Variants in PDE5A observed in about 807,000 individuals in gnomAD.
PDE5A encodes the protein cGMP-specific 3',5'-cyclic phosphodiesterase.
In PDE5A, 67 loss-of-function variants were observed where a neutral mutation model predicts 110.2. That is an observed-to-expected ratio of 0.61 (90% CI 0.50 to 0.75). The LOEUF is 0.75. Ranked by LOEUF, PDE5A falls within the 30% of genes least tolerant of loss-of-function variation. PDE5A has a pLI of 0.00. For synonymous variants in PDE5A, 328 were observed against 351.2 expected (o/e 0.93, Z 0.74); for missense variants, 862 against 1,045.1 (o/e 0.82, Z 2.42).
At chr4:119,568,214 C>G (rs1408440542) in intron 3 of PDE5A, among the ~76,000 whole-genome samples, 1 of 151,662 alleles carries the variant, frequency 6.6e-6, no homozygotes, top group African/African-American at 2.4e-5. Flanking sequence ...TATCCTATAC[C>G]TTTTCATTTC....
intron 14 of PDE5A, 115 bp from the exon 15 acceptor site, chr4:119,511,249 A>G: frequency 1.6e-6 from 1 of 643,504 alleles, no homozygotes. Flanking sequence ...AAATTAATCA[A>G]CTAACAATTT....
chr4:119,627,908 G>C lies in PDE5A; in HGVS notation c.152+612C>G, dbSNP rs964487202. 9 of 342,482 alleles carry C rather than the reference G, an allele frequency of 2.6e-5. No homozygotes were observed. Among genetic ancestry groups the C allele is most frequent in the Non-Finnish European group, 3.7e-5 (9 of 241,938 alleles). 21.2% of individuals were successfully genotyped at this position (342,482 alleles called of 1,614,324 possible). A position where few individuals can be genotyped will look rare whatever the true frequency, so the allele number is the denominator to read the frequency against. On this transcript the variant is annotated intron_variant, in intron 1 of 20. Coordinates refer to ENST00000354960, the MANE Select transcript of PDE5A (RefSeq NM_001083.4). The surrounding 1 kb of genome is among the most constrained non-coding windows in gnomAD (Gnocchi z 4.6). ...CCCTCTGCAGAGCTCTACTTTTGGCGGCACAGCCTTCGGCGGAAAAGCGAG... is the reference window on the plus strand; with the variant it reads ...CCCTCTGCAGAGCTCTACTTTTGGCCGCACAGCCTTCGGCGGAAAAGCGAG...
chr4:119,531,976 T>A (rs1726558202), intron 11 of PDE5A, among the ~76,000 whole-genome samples: 1 of 152,168 alleles, frequency 6.6e-6, no homozygotes, highest in African/African-American at 2.4e-5. Flanking sequence ...TCAGTGTCCC[T>A]CAACATGGCT....
At chr4:119,500,268 T>G (rs1027520704) in intron 20 of PDE5A, 2 of 151,666 alleles carry the variant, frequency 1.3e-5, no homozygotes, top group South Asian at 2.1e-4. Context: ...CCTAGTTTTT[T>G]TTTTTTTTTT....
chr4:119,538,864 T>A (rs1297263292), intron 11 of PDE5A, 96 bp downstream of exon 11: 6 of 912,942 alleles, frequency 6.6e-6, no homozygotes, highest in Non-Finnish European at 1.1e-5. Flanking sequence ...CAGAGTTAAT[T>A]AAACATTTTT....
intron 3 of PDE5A, among the ~76,000 whole-genome samples, chr4:119,585,704 G>A (rs1201513316): frequency 1.3e-5 from 2 of 152,178 alleles, no homozygotes; most frequent in African/African-American, 4.8e-5. Flanking sequence ...TCAAGAGCTG[G>A]AGCCTAATTC....
At chr4:119,584,657 A>C (rs1420550307) in intron 3 of PDE5A, among the ~76,000 whole-genome samples, 1 of 152,230 alleles carries the variant, frequency 6.6e-6, no homozygotes, top group East Asian at 1.9e-4. Flanking sequence ...TTTTTAAACA[A>C]TAGGAAATAT....
At position 119,628,766 on chromosome 4, in the gene PDE5A, C is replaced by T; in HGVS notation, c.-95G>A. The T allele has an allele frequency of 6.6e-7, 1 of 1,521,178 alleles. No homozygotes were observed. Among genetic ancestry groups the T allele is most frequent in the Non-Finnish European group, 8.9e-7 (1 of 1,126,798 alleles). 94.2% of individuals were successfully genotyped at this position (1,521,178 alleles called of 1,614,324 possible). ...AAGAACAGGACTCGGCCTCGAGACC[C>T]TCCCCCTTCGTCCTGCTCCAGTCGG... On this transcript the variant is annotated 5_prime_UTR_variant, in exon 1 of 21. Transcript: ENST00000354960.
intron 3 of PDE5A, among the ~76,000 whole-genome samples, chr4:119,594,688 A>G (rs1729095413): frequency 6.6e-6 from 1 of 152,192 alleles, no homozygotes; most frequent in Admixed American, 6.6e-5. Flanking sequence ...AATTAATCTC[A>G]TATTACGTCA....
chr4:119,549,317 C>G (rs1347111048), intron 9 of PDE5A: 1 of 152,172 alleles, frequency 6.6e-6, no homozygotes, highest in Non-Finnish European at 1.5e-5. Flanking sequence ...CCAGTTCAAA[C>G]AGGCTAACAG....
intron 7 of PDE5A, 120 bp from the exon 8 acceptor site, chr4:119,553,866 T>C (rs1176557819): frequency 1.7e-6 from 1 of 594,238 alleles, no homozygotes; most frequent in Non-Finnish European, 3.0e-6. Context: ...TATATACTTA[T>C]TTGGAAAATG....
chr4:119,569,898 T>A (rs1728082840), intron 3 of PDE5A: 1 of 152,368 alleles, frequency 6.6e-6, no homozygotes, highest in Non-Finnish European at 1.5e-5. Context: ...GCAAATATTA[T>A]GCCATTTTAT....
At chr4:119,531,118 T>C (rs1468898071) in intron 11 of PDE5A, among the ~76,000 whole-genome samples, 1 of 152,122 alleles carries the variant, frequency 6.6e-6, no homozygotes, top group East Asian at 1.9e-4. Flanking sequence ...CTGAAAATGG[T>C]GAATTCCAGA....
At chr4:119,565,204 T>A (rs1275307973) in intron 5 of PDE5A, 117 bp downstream of exon 5, 2 of 671,974 alleles carry the variant, frequency 3.0e-6, no homozygotes. Context: ...AAATAAAGTA[T>A]TGAGAAACTG....
intron 1 of PDE5A, among the ~76,000 whole-genome samples, chr4:119,626,818 C>G (rs1385518303): frequency 6.6e-6 from 1 of 152,108 alleles, no homozygotes; most frequent in African/African-American, 2.4e-5. Flanking sequence ...AAAAGAAGGG[C>G]TGGGTTATTA....
intron 11 of PDE5A, among the ~76,000 whole-genome samples, chr4:119,532,364 C>T (rs1283414749): frequency 6.6e-6 from 1 of 151,940 alleles, no homozygotes. Context: ...AGTAGCTTGC[C>T]CAAGTGATCC....
intron 3 of PDE5A, among the ~76,000 whole-genome samples, chr4:119,578,256 T>C (rs1212455894): frequency 2.6e-5 from 4 of 152,124 alleles, no homozygotes; most frequent in African/African-American, 4.8e-5. Context: ...AAAATGGCCA[T>C]ACTGCCCAAG....
chr4:119,507,698 G>C lies in PDE5A; in HGVS notation c.2095C>G (p.Gln699Glu). Residue 699 changes from glutamine (Q) to glutamate (E), a missense_variant, in exon 16 of 21, where the codon CAG (glutamine) becomes GAG (glutamate). Physicochemically the swap from Gln to Glu is conservative, Grantham distance 29. Transcript: ENST00000354960. ...CLMILNSPGN[Q>E]ILSGLSIEEY... ...TCAATGGAGAGGCCACTGAGAATCT[G>C]ATTGCCCTTTATAAAAAAAGAAAAC... 7 of 1,576,270 alleles carry C rather than the reference G, an allele frequency of 4.4e-6. No homozygotes were observed. The highest frequency in any genetic ancestry group is 6.0e-6 in the Non-Finnish European group (7 of 1,165,800).
At chr4:119,538,838 C>T in intron 11 of PDE5A, 122 bp downstream of exon 11, 1 of 778,140 alleles carries the variant, frequency 1.3e-6, no homozygotes, top group Non-Finnish European at 2.3e-6. Context: ...AGTGACTTTG[C>T]ATCCCTGCAA....
Sources: gnomAD v4.1 joint callset for allele counts (sites outside exome capture counted in the v4.1 genomes callset) on GRCh38, gnomAD v4.1.1 for gene constraint, Gnocchi (gnomAD v3.1) non-coding constraint, MANE v1.5 for transcripts, NCBI Gene and HGNC (gene_info 2026-07-23, HGNC 2026-07-21) for gene names.